The following SEMA6A variants were observed in gnomAD, a reference collection of about 807,000 sequenced individuals.
The protein encoded by SEMA6A is semaphorin-6A.
A neutral mutation model predicts 96.8 loss-of-function variants in SEMA6A; 25 were observed. That is an observed-to-expected ratio of 0.26 (90% confidence interval 0.19 to 0.36). The LOEUF is 0.36. Among genes scored for constraint, SEMA6A ranks in the 10% least tolerant of loss-of-function variants. SEMA6A has a pLI of 1.00. For missense variants in SEMA6A, 1,363 were observed against 1,323.1 expected (o/e 1.03, Z -0.47); for synonymous variants, 612 against 518.0 (o/e 1.18, Z -2.46).
chr5:116,491,974 T>C (rs1328048458), intron 6 of SEMA6A, 144 bp from the exon 7 acceptor site: 1 of 644,034 alleles, frequency 1.6e-6, no homozygotes, highest in East Asian at 2.7e-5. Context: ...TTTTAAACTG[T>C]AGTTGAGAAT....
rs1401123283 is a variant in SEMA6A at position 116,446,692 on chromosome 5, G to A, written c.3014C>T (p.Ser1005Leu). The A allele has an allele frequency of 6.3e-6, 10 of 1,576,718 alleles. No individual in the cohort carries two copies. The highest frequency in any genetic ancestry group is 1.7e-4 in the Middle Eastern group (1 of 5,910). The stretch of plus-strand genomic sequence containing the variant: ...TTTGGGGGGTACGTCCGGCTTTAGC[G>A]AGGGCGTACGCTTCAGCCCCGACCT... ...LTRSGLKRTP[S>L]LKPDVPPKPS... is the part of the protein sequence containing the mutation. The change falls in exon 19 of 19, where the codon TCG becomes TTG. Residue 1005 changes from serine (S) to leucine (L), a missense_variant. Physicochemically the swap from Ser to Leu is moderately radical, Grantham distance 145. Around this residue, in one of 2 missense-constraint regions of SEMA6A, gnomAD observed 883 missense variants for 763.6 expected, o/e 1.16. Transcript: ENST00000343348.
intron 18 of SEMA6A, among the ~76,000 whole-genome samples, chr5:116,451,675 G>C (rs1164023905): frequency 6.6e-6 from 1 of 152,076 alleles, no homozygotes; most frequent in Non-Finnish European, 1.5e-5. Flanking sequence ...ACATTGTAGA[G>C]CTATTTTTAA....
chr5:116,551,368 A>C (rs1370997170), intron 1 of SEMA6A, among the ~76,000 whole-genome samples: 1 of 134,964 alleles, frequency 7.4e-6, no homozygotes, highest in African/African-American at 2.5e-5. Context: ...TTTGCAGCTC[A>C]TCCTCTATCA....
At chr5:116,448,222 T>A (rs1218685364) in intron 18 of SEMA6A, among the ~76,000 whole-genome samples, 1 of 148,086 alleles carries the variant, frequency 6.8e-6, no homozygotes, top group Non-Finnish European at 1.5e-5. Flanking sequence ...GGCGGGGGCT[T>A]GTGATCCTAG....
chr5:116,457,115 A>T (rs531725756), intron 18 of SEMA6A, among the ~76,000 whole-genome samples: 6 of 152,294 alleles, frequency 3.9e-5, no homozygotes, highest in Admixed American at 3.3e-4. Context: ...CTGCAAATCC[A>T]TAGAATTACA....
intron 10 of SEMA6A, 21 bp downstream of exon 10, chr5:116,486,728 A>T (rs569274873): frequency 1.2e-6 from 2 of 1,600,580 alleles, no homozygotes; most frequent in African/African-American, 2.7e-5. Flanking sequence ...GATGAGGTCA[A>T]CACAGCTAGG....
chr5:116,454,409 T>C (rs1006239197), intron 18 of SEMA6A, among the ~76,000 whole-genome samples: 2 of 152,106 alleles, frequency 1.3e-5, no homozygotes, highest in Non-Finnish European at 2.9e-5. Flanking sequence ...ACAGCCCAAT[T>C]TTTCTTGTTT....
chr5:116,472,284 A>G (rs766402524), intron 17 of SEMA6A: 2 of 152,258 alleles, frequency 1.3e-5, no homozygotes, highest in African/African-American at 2.4e-5. Flanking sequence ...GAACAATGAG[A>G]TAAATCCTGT....
intron 1 of SEMA6A, among the ~76,000 whole-genome samples, chr5:116,509,014 C>G (rs2112785556): frequency 6.6e-6 from 1 of 152,364 alleles, no homozygotes; most frequent in Admixed American, 6.5e-5. Context: ...ATGAACACTG[C>G]TTGTTTTAGA....
chr5:116,555,796 C>A (rs371900569), intron 1 of SEMA6A, among the ~76,000 whole-genome samples: 3 of 152,292 alleles, frequency 2.0e-5, no homozygotes. Context: ...CATGCTACTA[C>A]ACTTCAGCTT....
intron 1 of SEMA6A, among the ~76,000 whole-genome samples, chr5:116,547,289 T>G (rs1045548013): frequency 9.8e-5 from 15 of 152,332 alleles, no homozygotes; most frequent in African/African-American, 3.6e-4. Flanking sequence ...TATGGAAATC[T>G]TTGCTTTGAT....
intron 1 of SEMA6A, among the ~76,000 whole-genome samples, chr5:116,543,358 T>A (rs2112867878): frequency 6.6e-6 from 1 of 152,370 alleles, no homozygotes. Context: ...GCTCACGTTT[T>A]CACGTTTTCC....
At chr5:116,467,791 A>C (rs759651566) in intron 17 of SEMA6A, 44 bp from the exon 18 acceptor site, 2 of 1,603,726 alleles carry the variant, frequency 1.2e-6, no homozygotes, top group Non-Finnish European at 1.7e-6. Flanking sequence ...CACCAGAGAG[A>C]CCCACATTCC....
intron 1 of SEMA6A, among the ~76,000 whole-genome samples, chr5:116,562,209 T>C (rs187245115): frequency 2.4e-4 from 37 of 152,288 alleles, no homozygotes; most frequent in African/African-American, 8.2e-4. Context: ...TCAATTTAAT[T>C]TCAGTAATTT....
intron 1 of SEMA6A, among the ~76,000 whole-genome samples, chr5:116,560,290 A>G (rs1170399708): frequency 2.0e-5 from 3 of 152,222 alleles, no homozygotes; most frequent in Non-Finnish European, 4.4e-5. Flanking sequence ...GCCTTAGACT[A>G]GAAAGACTTT....
intron 1 of SEMA6A, among the ~76,000 whole-genome samples, chr5:116,557,653 G>T (rs1410807506): frequency 1.4e-5 from 1 of 71,258 alleles, no homozygotes; most frequent in Non-Finnish European, 4.3e-5. Context: ...TCCGGATATG[G>T]CTTCAATTCA....
At chr5:116,549,903 C>T (rs74726645) in intron 1 of SEMA6A, among the ~76,000 whole-genome samples, 357 of 152,268 alleles carry the variant, frequency 2.3e-3, no homozygotes, top group African/African-American at 8.2e-3. Context: ...CGATCGGTCA[C>T]GGCACACATT....
At chr5:116,530,020 TGAC>T (rs538010018) in intron 1 of SEMA6A, among the ~76,000 whole-genome samples, 7 of 151,942 alleles carry the variant, frequency 4.6e-5, no homozygotes, top group East Asian at 1.9e-4. Flanking sequence ...ATAAAAATAA[TGAC>T]AACAACAACA....
At chr5:116,559,708 G>A (rs138909264) in intron 1 of SEMA6A, among the ~76,000 whole-genome samples, 2 of 152,242 alleles carry the variant, frequency 1.3e-5, no homozygotes, top group African/African-American at 4.8e-5. Context: ...CTGGGTTCCT[G>A]TCCTGGCCAA....
Sources: gnomAD v4.1 joint callset for allele counts (sites outside exome capture counted in the v4.1 genomes callset) on GRCh38, gnomAD v4.1.1 for gene constraint, gnomAD v4.1.1 regional missense constraint, MANE v1.5 for transcripts, NCBI Gene and HGNC (gene_info 2026-07-23, HGNC 2026-07-21) for gene names.